Variants in CRLS1 observed in about 807,000 individuals in gnomAD.
The protein encoded by CRLS1 is cardiolipin synthase 1, also known as cardiolipin synthase (CMP-forming).
Under a neutral mutation model 37.0 loss-of-function variants are expected in CRLS1, and 24 were observed. The observed-to-expected ratio is 0.65, with a 90% CI of 0.47 to 0.91. The LOEUF (loss-of-function observed/expected upper bound fraction) is 0.91. Among genes scored for constraint, CRLS1 ranks in the 40% least tolerant of loss-of-function variants. The pLI, the probability that CRLS1 is intolerant of heterozygous loss-of-function variation, is 0.00. For missense variants in CRLS1, 373 were observed against 395.8 expected (o/e 0.94, Z 0.49); for synonymous variants, 135 against 159.7 (o/e 0.85, Z 1.17).
intron 1 of CRLS1, chr20:6,006,785 A>G (rs1264545517): frequency 5.1e-6 from 5 of 985,122 alleles, no homozygotes; most frequent in Non-Finnish European, 6.0e-6. Context: ...TCCCCCTTCT[A>G]TCTGCACCCG....
chr20:6,006,721 G>T (rs935696459), intron 1 of CRLS1, 169 bp downstream of exon 1: 2 of 985,178 alleles, frequency 2.0e-6, no homozygotes, highest in South Asian at 4.7e-5. Flanking sequence ...TGAATTTCAG[G>T]GTCACCAGCG....
chr20:6,038,151 G>A lies in CRLS1; in HGVS notation c.*993G>A, dbSNP rs991424554. On this transcript the variant is annotated 3_prime_UTR_variant, in exon 7 of 7. Coordinates refer to ENST00000378863, the MANE Select transcript of CRLS1 (RefSeq NM_019095.6). Reference sequence around the variant, plus strand: ...CATGTACATCACTTACACTTAAATTGTAAAAATAATTAGTCTGACCATCTG... The same window carrying A: ...CATGTACATCACTTACACTTAAATTATAAAAATAATTAGTCTGACCATCTG... 2 of 152,166 alleles carry A rather than the reference G, an allele frequency of 1.3e-5. No homozygotes were observed. Among genetic ancestry groups the A allele is most frequent in the African/African-American group, 2.4e-5 (1 of 41,442 alleles). 9.4% of individuals were successfully genotyped at this position (152,166 alleles called of 1,614,324 possible).
chr20:6,009,837 T>C lies in CRLS1; in HGVS notation c.369T>C (p.Val123=). The C allele has an allele frequency of 1.2e-6, 2 of 1,614,128 alleles. No homozygotes were observed. The highest frequency in any genetic ancestry group is 1.1e-5 in the South Asian group (1 of 91,080). The part of the protein sequence containing the change: ...LSMTRIGLAP[V]LGYLIIEEDF... ...TGACGAGAATTGGCTTGGCCCCAGT[T>C]CTGGGCTATTTGATTATTGAAGAAG... The change falls in exon 2 of 7, where the codon GTT becomes GTC. Residue 123 remains valine, a synonymous_variant. Coordinates refer to ENST00000378863, the MANE Select transcript of CRLS1 (RefSeq NM_019095.6).
chr20:6,031,992 CT>C lies in CRLS1; in HGVS notation c.661-14del. ...TTAAACAATAAGTTAATTACTTTAT[CT>C]TTTTTGGTCCTCTGCCAGCGAACAC... On this transcript the variant is annotated intron_variant, in intron 4 of 6. Coordinates refer to ENST00000378863, the MANE Select transcript of CRLS1 (RefSeq NM_019095.6). The C allele has an allele frequency of 6.3e-6, 10 of 1,590,860 alleles. No individual in the cohort carries two copies. Among genetic ancestry groups the C allele is most frequent in the Admixed American group, 1.7e-5 (1 of 59,220 alleles).
chr20:6,006,644 C>T, intron 1 of CRLS1, 92 bp downstream of exon 1: 1 of 1,214,854 alleles, frequency 8.2e-7, no homozygotes, highest in Non-Finnish European at 1.0e-6. Flanking sequence ...GCAGCTCGGA[C>T]GCTTCCGTTT....
Position 6,031,344 on chromosome 20 carries a change from G to C in CRLS1, c.634G>C (p.Val212Leu). Residue 212 changes from valine (V) to leucine (L), a missense_variant, in exon 4 of 7, where the codon GTC becomes CTC. Val to Leu is a conservative substitution (Grantham distance 32). Transcript: ENST00000378863. Reference protein sequence around the residue: ...DVMLIAAVFYVRYRTLPTPRT... With the variant: ...DVMLIAAVFYLRYRTLPTPRT... ...AATGTTGATTGCTGCTGTTTTTTAT[G>C]TCAGATACCGAACTCTTCCAACACC... The C allele has an allele frequency of 6.2e-7, 1 of 1,609,174 alleles. No individual in the cohort carries two copies. Among genetic ancestry groups the C allele is most frequent in the South Asian group, 1.1e-5 (1 of 89,934 alleles).
At chr20:6,023,666 C>G (rs1346854031) in intron 3 of CRLS1, among the ~76,000 whole-genome samples, 6 of 151,346 alleles carry the variant, frequency 4.0e-5, no homozygotes. Flanking sequence ...AAAGATTCCC[C>G]CAACATTACC....
At chr20:6,031,898 A>G (rs973081587) in intron 4 of CRLS1, 114 bp from the exon 5 acceptor site, 2 of 738,550 alleles carry the variant, frequency 2.7e-6, no homozygotes, top group African/African-American at 3.6e-5. Flanking sequence ...TATTGAATGT[A>G]TGATTTATAA....
intron 3 of CRLS1, among the ~76,000 whole-genome samples, chr20:6,026,727 A>G (rs1271155095): frequency 1.3e-5 from 2 of 152,138 alleles, no homozygotes; most frequent in Admixed American, 6.5e-5. Context: ...CTTTAAGTCT[A>G]TTCTGTAGAT....
intron 2 of CRLS1, among the ~76,000 whole-genome samples, chr20:6,011,001 A>G (rs985278028): frequency 4.6e-5 from 7 of 151,992 alleles, no homozygotes; most frequent in African/African-American, 1.7e-4. Context: ...TGGGTGACAG[A>G]GCAAGAACTT....
chr20:6,031,150 T>C (rs1450483474), intron 3 of CRLS1, 135 bp from the exon 4 acceptor site: 4 of 562,410 alleles, frequency 7.1e-6, no homozygotes, highest in Non-Finnish European at 1.2e-5. Flanking sequence ...AAACCATCGA[T>C]AGGTGTTCAT....
In CRLS1 at chr20:6,006,386, A is replaced by G. The variant is rs1671859930; in HGVS notation, c.140A>G (p.Glu47Gly). ...PVPCCLGCLAERWRLRPAALG... is the reference protein window; with the variant it reads ...PVPCCLGCLAGRWRLRPAALG... ...CCCTGCTGCTTGGGCTGCCTGGCCG[A>G]ACGCTGGAGGCTGCGTCCGGCCGCT... The change falls in exon 1 of 7, where the codon GAA becomes GGA. Residue 47 changes from glutamate (E) to glycine (G), a missense_variant. Glu to Gly is a moderately conservative substitution (Grantham distance 98, BLOSUM62 -2). Transcript: ENST00000378863. 13 of 1,406,522 alleles carry G rather than the reference A, an allele frequency of 9.2e-6. No homozygotes were observed. Among genetic ancestry groups the G allele is most frequent in the African/African-American group, 1.5e-5 (1 of 67,296 alleles). The allele number at this position is 1,406,522 out of a possible 1,614,324, so 87.1% of individuals were successfully genotyped here.
chr20:6,011,963 C>T (rs1271226623), intron 2 of CRLS1, among the ~76,000 whole-genome samples: 3 of 151,566 alleles, frequency 2.0e-5, no homozygotes, highest in Non-Finnish European at 2.9e-5. Flanking sequence ...ATACTGATAA[C>T]AGTTTTTTTT....
upstream of CRLS1, chr20:6,006,044 G>C: frequency 2.8e-6 from 1 of 358,848 alleles, no homozygotes; most frequent in Non-Finnish European, 5.0e-6. Context: ...CGACGGTGTC[G>C]TAAAAGCGTC....
intron 3 of CRLS1, among the ~76,000 whole-genome samples, chr20:6,023,772 C>T (rs935308463): frequency 6.0e-5 from 9 of 150,584 alleles, no homozygotes; most frequent in Non-Finnish European, 7.4e-5. Flanking sequence ...GTTCTTATAT[C>T]GTGTATGAAT....
At chr20:6,006,771 C>T in intron 1 of CRLS1, 1 of 985,408 alleles carries the variant, frequency 1.0e-6, no homozygotes, top group Non-Finnish European at 1.2e-6. Flanking sequence ...TAGAAATCCT[C>T]TCATCCCCCT....
chr20:6,017,088 T>C (rs1357840707), intron 3 of CRLS1, among the ~76,000 whole-genome samples: 1 of 152,146 alleles, frequency 6.6e-6, no homozygotes, highest in Non-Finnish European at 1.5e-5. Flanking sequence ...ACCTCCCAGC[T>C]CAAGCAGTCC....
intron 6 of CRLS1, among the ~76,000 whole-genome samples, chr20:6,035,318 G>C (rs1980463817): frequency 6.6e-6 from 1 of 152,092 alleles, no homozygotes; most frequent in Admixed American, 6.5e-5. Flanking sequence ...TTTGAGTGTA[G>C]GTCCATCAGT....
intron 3 of CRLS1, among the ~76,000 whole-genome samples, chr20:6,026,858 A>G (rs531090994): frequency 3.3e-5 from 5 of 152,072 alleles, no homozygotes; most frequent in African/African-American, 9.6e-5. Flanking sequence ...CTTGATCCCT[A>G]TTGCACTCCA....
Sources: allele counts gnomAD v4.1 joint callset (sites outside exome capture counted in the v4.1 genomes callset), GRCh38; gene constraint gnomAD v4.1.1; transcripts MANE v1.5; gene names NCBI Gene and HGNC (gene_info 2026-07-23, HGNC 2026-07-21).